The following OPCML variants were observed in gnomAD, a reference collection of about 807,000 sequenced individuals.
The protein encoded by OPCML is opioid-binding protein/cell adhesion molecule.
Under a neutral mutation model 37.8 loss-of-function variants are expected in OPCML, and 13 were observed. That is an observed-to-expected ratio of 0.34 (90% confidence interval 0.22 to 0.55). The LOEUF (loss-of-function observed/expected upper bound fraction) is 0.55. OPCML is among the 20% of genes least tolerant of loss of function. The pLI is 0.91. For missense variants in OPCML, 341 were observed against 435.6 expected (o/e 0.78, Z 1.93); for synonymous variants, 176 against 168.8 (o/e 1.04, Z -0.33).
At chr11:133,139,937 A>G (rs559284099) in intron 1 of OPCML, among the ~76,000 whole-genome samples, 3 of 152,264 alleles carry the variant, frequency 2.0e-5, no homozygotes, top group South Asian at 4.2e-4. Context: ...CTGTAATCCT[A>G]GCACTTTGGG....
intron 3 of OPCML, among the ~76,000 whole-genome samples, chr11:132,642,317 G>A (rs1333024810): frequency 1.3e-5 from 2 of 152,076 alleles, no homozygotes; most frequent in African/African-American, 4.8e-5. Flanking sequence ...TTTTTCAGAA[G>A]TACATCTTGA....
intron 1 of OPCML, among the ~76,000 whole-genome samples, chr11:133,229,004 C>T (rs1307071067): frequency 6.6e-6 from 1 of 152,180 alleles, no homozygotes; most frequent in African/African-American, 2.4e-5. Context: ...GCACCTTGTG[C>T]TCAGGCCTTC....
chr11:133,515,489 G>A (rs1948246780), intron 1 of OPCML, among the ~76,000 whole-genome samples: 2 of 152,146 alleles, frequency 1.3e-5, no homozygotes, highest in African/African-American at 4.8e-5. Context: ...AACGTCAAGA[G>A]TGCCGGGGTT....
intron 1 of OPCML, among the ~76,000 whole-genome samples, chr11:133,126,763 G>A (rs1298047540): frequency 6.6e-6 from 1 of 152,120 alleles, no homozygotes; most frequent in Non-Finnish European, 1.5e-5. Context: ...AGGCTACCCA[G>A]CTACACAAAG....
chr11:133,087,248 T>C (rs1948831036), intron 1 of OPCML, among the ~76,000 whole-genome samples: 1 of 152,192 alleles, frequency 6.6e-6, no homozygotes, highest in South Asian at 2.1e-4. Flanking sequence ...TAAATAGCAG[T>C]TTTGAAGAAG....
At chr11:133,219,097 TG>T (rs1425800194) in intron 1 of OPCML, among the ~76,000 whole-genome samples, 1 of 152,220 alleles carries the variant, frequency 6.6e-6, no homozygotes, top group Non-Finnish European at 1.5e-5. Flanking sequence ...TTATCATGGA[TG>T]GGCTCTGGGC....
At chr11:132,820,183 C>T (rs763815930) in intron 2 of OPCML, among the ~76,000 whole-genome samples, 5 of 152,052 alleles carry the variant, frequency 3.3e-5, no homozygotes, top group African/African-American at 1.2e-4. Flanking sequence ...CTTAGGAGCC[C>T]GTAAAAGTAA....
intron 3 of OPCML, among the ~76,000 whole-genome samples, chr11:132,547,737 G>A (rs2096371980): frequency 6.6e-6 from 1 of 152,048 alleles, no homozygotes; most frequent in African/African-American, 2.4e-5. Flanking sequence ...TCCATCAAGG[G>A]GGTGGAGGGG....
In OPCML at chr11:132,415,759, T is replaced by G. The variant is rs2095936537; in HGVS notation, c.*4434A>C. On this transcript the variant is annotated 3_prime_UTR_variant, in exon 8 of 8. Transcript: ENST00000524381. ...AGTATTCTGCACCTGAAGGCTAAAT[T>G]GAACTGGCTCAGCCCTATCTTTTTT... 6.6e-6 allele frequency: 1 copy of G among 152,670 alleles called. No homozygotes were observed. The highest frequency in any genetic ancestry group is 1.5e-5 in the Non-Finnish European group (1 of 68,050). 9.5% of individuals were successfully genotyped at this position (152,670 alleles called of 1,614,324 possible).
chr11:132,975,608 TCTTA>T (rs930725690), intron 1 of OPCML, among the ~76,000 whole-genome samples: 1 of 133,158 alleles, frequency 7.5e-6, no homozygotes, highest in Non-Finnish European at 1.6e-5. Flanking sequence ...ACATCCAACC[TCTTA>T]CTAAGTCCTG....
In OPCML at chr11:132,436,718, C is replaced by T; in HGVS notation, c.705G>A (p.Leu235=). The stretch of plus-strand genomic sequence containing the variant: ...TGGGGACTGCAGAGGCTTCACAGCT[C>T]AGGATGCCCTTCTGACCGACTGAAA... ...TGVSVGQKGI[L]SCEASAVPMA... Residue 235 remains leucine (L), a synonymous_variant, in exon 6 of 8, where the codon CTG becomes CTA. Coordinates refer to ENST00000524381, the MANE Select transcript of OPCML (RefSeq NM_001012393.5). The T allele has an allele frequency of 6.2e-7, 1 of 1,614,184 alleles. No individual in the cohort carries two copies. Among genetic ancestry groups the T allele is most frequent in the Non-Finnish European group, 8.5e-7 (1 of 1,180,046 alleles).
intron 2 of OPCML, among the ~76,000 whole-genome samples, chr11:132,708,644 C>G (rs1944135073): frequency 6.6e-6 from 1 of 152,288 alleles, no homozygotes; most frequent in Admixed American, 6.5e-5. Flanking sequence ...TACTCAGACT[C>G]TGATAGAAAG....
At chr11:132,495,040 C>T (rs76335572) in intron 4 of OPCML, among the ~76,000 whole-genome samples, 8,308 of 148,572 alleles carry the variant, frequency 0.056, 325 homozygotes, top group East Asian at 0.12. Context: ...TCCTGGAGTG[C>T]TTTTCTCAAA....
chr11:133,295,618 GTAAGAATGGCC>G (rs1369332755), intron 1 of OPCML, among the ~76,000 whole-genome samples: 1 of 152,202 alleles, frequency 6.6e-6, no homozygotes, highest in South Asian at 2.1e-4. Context: ...TATTAGAGAA[GTAAGAATGGCC>G]TAAGAATGGC....
rs34434286 is a variant in OPCML at position 133,244,701 on chromosome 11, A to ACTCTCT, written c.61+287557_61+287562dup. Among the ~76,000 whole-genome samples the ACTCTCT allele has an allele frequency of 1.7e-3, 255 of 151,108 alleles. 1 individual carries two copies. The highest frequency in any genetic ancestry group is 5.8e-3 in the African/African-American group (238 of 41,218). ...GTGGAACTTCCCCCTTTGCTCACTC[A>ACTCTCT]CTCTCTCTCTCCTGCTCTCGCCATA... On this transcript the variant is annotated intron_variant, in intron 1 of 7. Transcript: ENST00000524381.
At chr11:132,696,520 T>C (rs185802308) in intron 2 of OPCML, among the ~76,000 whole-genome samples, 39 of 152,086 alleles carry the variant, frequency 2.6e-4, no homozygotes, top group Non-Finnish European at 5.0e-4. Flanking sequence ...GATAAATAAA[T>C]AGATACTATG....
intron 1 of OPCML, among the ~76,000 whole-genome samples, chr11:133,132,979 C>T (rs1949629485): frequency 6.6e-6 from 1 of 152,046 alleles, no homozygotes; most frequent in Non-Finnish European, 1.5e-5. Flanking sequence ...CTGAACTTTT[C>T]AGGAAGCTCT....
chr11:132,520,762 T>A (rs2096291289), intron 4 of OPCML, among the ~76,000 whole-genome samples: 1 of 151,898 alleles, frequency 6.6e-6, no homozygotes, highest in African/African-American at 2.4e-5. Context: ...CACATTTTCT[T>A]TATCCAGTCT....
intron 3 of OPCML, among the ~76,000 whole-genome samples, chr11:132,585,667 T>C (rs2096471033): frequency 6.6e-6 from 1 of 152,176 alleles, no homozygotes; most frequent in Non-Finnish European, 1.5e-5. Context: ...TATGGAGATA[T>C]GGACTAAAAC....
Sources: gnomAD v4.1 joint callset for allele counts (sites outside exome capture counted in the v4.1 genomes callset) on GRCh38, gnomAD v4.1.1 for gene constraint, MANE v1.5 for transcripts, NCBI Gene and HGNC (gene_info 2026-07-23, HGNC 2026-07-21) for gene names.